CLCA2: variants seen among roughly 807,000 people sequenced by gnomAD.
The protein encoded by CLCA2 is chloride channel accessory 2, also known as calcium-activated chloride channel regulator 2.
CLCA2 carries 85 observed loss-of-function variants against 82.9 expected under a neutral mutation model. The ratio of observed to expected loss-of-function variants is 1.03; its 90% CI spans 0.86 to 1.23. CLCA2 has a LOEUF of 1.23. Among genes scored for constraint, CLCA2 ranks in the 50% most tolerant of loss-of-function variants. CLCA2 has a pLI of 0.00. For missense variants in CLCA2, 1,089 were observed against 1,124.8 expected (o/e 0.97, Z 0.45); for synonymous variants, 421 against 391.7 (o/e 1.07, Z -0.88).
At chr1:86,438,753 CA>C (rs1199798233) in intron 6 of CLCA2, 122 bp from the exon 7 acceptor site, 4 of 791,392 alleles carry the variant, frequency 5.1e-6, no homozygotes, top group African/African-American at 3.5e-5. Context: ...CTTTAAAGCT[CA>C]AAAAATTATG....
intron 12 of CLCA2, among the ~76,000 whole-genome samples, chr1:86,452,605 A>C (rs1310756766): frequency 6.6e-6 from 1 of 151,964 alleles, no homozygotes; most frequent in Non-Finnish European, 1.5e-5. Flanking sequence ...TTTTCACCTC[A>C]GGGTTTGCTG....
rs149017440 is a variant in CLCA2 at position 86,440,221 on chromosome 1, T to C, written c.1277T>C (p.Leu426Pro). ...GTGACCAGCGGAGATGATAAGCTTC[T>C]TGGCAATTGCTTACCCACTGTGCTC... ...ILVTSGDDKLLGNCLPTVLSS... is the reference protein window; with the variant it reads ...ILVTSGDDKLPGNCLPTVLSS... Residue 426 changes from leucine (L) to proline (P), a missense_variant, in exon 8 of 14, where the codon CTT (leucine) becomes CCT (proline). Coordinates refer to ENST00000370565, the MANE Select transcript of CLCA2 (RefSeq NM_006536.7). 34 of 1,614,060 alleles carry C rather than the reference T, an allele frequency of 2.1e-5. No individual in the cohort carries two copies. Among genetic ancestry groups the C allele is most frequent in the Non-Finnish European group, 2.7e-5 (32 of 1,180,024 alleles).
chr1:86,424,383 G>A lies in CLCA2; in HGVS notation c.136G>A (p.Ala46Thr). The A allele has an allele frequency of 6.2e-7, 1 of 1,612,720 alleles. No individual in the cohort carries two copies. The part of the protein sequence containing the change: ...QDNGYNGLLI[A>T]INPQVPENQN... ...CAATGGGTATAATGGATTGCTCATT[G>A]CAATTAATCCTCAGGTACCTGAGAA... Residue 46 changes from alanine to threonine, a missense_variant, in exon 1 of 14, where the codon GCA becomes ACA. Physicochemically the swap from Ala to Thr is moderately conservative, Grantham distance 58. Transcript: ENST00000370565.
intron 4 of CLCA2, among the ~76,000 whole-genome samples, chr1:86,431,245 C>A (rs1463987304): frequency 6.6e-6 from 1 of 152,204 alleles, no homozygotes; most frequent in African/African-American, 2.4e-5. Flanking sequence ...TCCCCTCATG[C>A]CCTCTAAGTA....
chr1:86,444,044 G>A (rs371117329), intron 10 of CLCA2, 33 bp downstream of exon 10: 15 of 1,356,238 alleles, frequency 1.1e-5, no homozygotes, highest in South Asian at 3.6e-5. Flanking sequence ...TAAGGACAAC[G>A]TTCAACCAAG....
At chr1:86,441,356 G>T in intron 8 of CLCA2, 81 bp from the exon 9 acceptor site, 1 of 827,216 alleles carries the variant, frequency 1.2e-6, no homozygotes. Context: ...TGCAAAGAAA[G>T]CTTGTTGGAA....
chr1:86,431,103 G>T, intron 4 of CLCA2, 133 bp downstream of exon 4: 1 of 614,976 alleles, frequency 1.6e-6, no homozygotes, highest in African/African-American at 1.9e-5. Context: ...ATAAGAAAGA[G>T]ATCCTTTCAC....
chr1:86,438,769 A>G lies in CLCA2; in HGVS notation c.973-107A>G, dbSNP rs982134393. 5.2e-5 allele frequency: 46 copies of G among 886,818 alleles called. No individual in the cohort carries two copies. In the African/African-American group the frequency reaches 5.3e-4, roughly 10 times the overall value. The allele number at this position is 886,818 out of a possible 1,614,324, so 54.9% of individuals were successfully genotyped here. On this transcript the variant is annotated intron_variant, in intron 6 of 13. Transcript: ENST00000370565. ...TTTAAAGCTCAAAAAATTATGATCC[A>G]ACATCTCTAAAGAATTAGCAGAGAT...
At chr1:86,451,635 A>G (rs2101712375) in intron 12 of CLCA2, among the ~76,000 whole-genome samples, 1 of 151,952 alleles carries the variant, frequency 6.6e-6, no homozygotes, top group Non-Finnish European at 1.5e-5. Flanking sequence ...CTCCTTTTCT[A>G]CCAGGCCTCT....
intron 6 of CLCA2, among the ~76,000 whole-genome samples, chr1:86,435,404 G>A (rs1426439604): frequency 6.6e-6 from 1 of 152,174 alleles, no homozygotes; most frequent in Non-Finnish European, 1.5e-5. Context: ...AATATCCCTG[G>A]TTGAGGAAGT....
Position 86,443,814 on chromosome 1 carries a change from C to A in CLCA2, c.1516C>A (p.Pro506Thr). The A allele has an allele frequency of 6.2e-7, 1 of 1,613,870 alleles. No homozygotes were observed. Among genetic ancestry groups the A allele is most frequent in the Non-Finnish European group, 8.5e-7 (1 of 1,179,862 alleles). The stretch of plus-strand genomic sequence containing the variant: ...TGAAAGTACAGGTGAAAATGTCAAA[C>A]CTCACCATCAATTGAAAAACACAGT... Reference protein sequence around the residue: ...QLESTGENVKPHHQLKNTVTV... With the variant: ...QLESTGENVKTHHQLKNTVTV... Residue 506 changes from proline (P) to threonine (T), a missense_variant, in exon 10 of 14, where the codon CCT (proline) becomes ACT (threonine). Physicochemically the swap from Pro to Thr is conservative, Grantham distance 38 (BLOSUM62 -1). Transcript: ENST00000370565.
In CLCA2 at chr1:86,455,227, C is replaced by T. The variant is rs770836933; in HGVS notation, c.2532C>T (p.Ser844=). The change falls in exon 14 of 14, where the codon TCC becomes TCT. Residue 844 remains serine (S), a synonymous_variant. Coordinates refer to ENST00000370565, the MANE Select transcript of CLCA2 (RefSeq NM_006536.7). ...TATTTACGTTCTCACCCCAAATTTC[C>T]ACGAATGGACCTGAACATCAGCCAA... is the stretch of plus-strand genomic sequence containing the variant. ...REIFTFSPQI[S]TNGPEHQPNG... is the part of the protein sequence containing the mutation. 4 of 1,614,046 alleles carry T rather than the reference C, an allele frequency of 2.5e-6. No homozygotes were observed. Among genetic ancestry groups the T allele is most frequent in the Non-Finnish European group, 3.4e-6 (4 of 1,179,986 alleles).
intron 6 of CLCA2, among the ~76,000 whole-genome samples, chr1:86,436,103 T>C (rs1004056943): frequency 6.6e-6 from 1 of 152,226 alleles, no homozygotes; most frequent in Non-Finnish European, 1.5e-5. Flanking sequence ...ACAGAGAACT[T>C]AATGGCCAGC....
At position 86,450,747 on chromosome 1, in the gene CLCA2, G is replaced by A; in HGVS notation, c.2155+14G>A. On this transcript the variant is annotated intron_variant, in intron 12 of 13. Transcript: ENST00000370565. ...ACACAGCAAACGGTAAGAACCATTA[G>A]CACTGTTATTTGAGTAACATCATTT... The A allele has an allele frequency of 1.3e-6, 2 of 1,576,264 alleles. No individual in the cohort carries two copies. The highest frequency in any genetic ancestry group is 1.7e-6 in the Non-Finnish European group (2 of 1,158,644).
At chr1:86,446,886 T>C (rs1662865116) in intron 10 of CLCA2, among the ~76,000 whole-genome samples, 1 of 152,232 alleles carries the variant, frequency 6.6e-6, no homozygotes, top group South Asian at 2.1e-4. Flanking sequence ...GCAAGAGTAG[T>C]GTTTAGCAGT....
Position 86,430,974 on chromosome 1 carries a change from AG to A in CLCA2, c.584+5del. The A allele has an allele frequency of 8.8e-6, 14 of 1,588,086 alleles. No homozygotes were observed. The highest frequency in any genetic ancestry group is 1.2e-5 in the Non-Finnish European group (14 of 1,159,694). On this transcript the variant is annotated splice_donor_5th_base_variant and intron_variant, in intron 4 of 13. Transcript: ENST00000370565. ...AAAATCAAATTAAAGTGACAAGGTT[AG>A]TACTTTTTTTCATGTTATAATTCAT...
chr1:86,429,326 G>A (rs1348722320), intron 3 of CLCA2, among the ~76,000 whole-genome samples: 2 of 152,154 alleles, frequency 1.3e-5, no homozygotes, highest in Admixed American at 6.5e-5. Context: ...AACTCTAAGC[G>A]ATGAGAAATA....
chr1:86,455,582 C>A lies in CLCA2; in HGVS notation c.*55C>A. ...ATATAAGACCCATGGCCTTCGACTACAAAAACATACTAACAAAGTCAAATT... is the reference window on the plus strand; with the variant it reads ...ATATAAGACCCATGGCCTTCGACTAAAAAAACATACTAACAAAGTCAAATT... On this transcript the variant is annotated 3_prime_UTR_variant, in exon 14 of 14. Transcript: ENST00000370565. 1 of 1,131,678 alleles carries A rather than the reference C, an allele frequency of 8.8e-7. No homozygotes were observed. The highest frequency in any genetic ancestry group is 1.2e-6 in the Non-Finnish European group (1 of 840,474). The allele number at this position is 1,131,678 out of a possible 1,614,324, so 70.1% of individuals were successfully genotyped here.
At chr1:86,430,729 A>C in intron 3 of CLCA2, 133 bp from the exon 4 acceptor site, 1 of 694,006 alleles carries the variant, frequency 1.4e-6, no homozygotes, top group Non-Finnish European at 2.6e-6. Context: ...AAAAGGGGAG[A>C]GAGGGAAGTA....
Sources: allele counts gnomAD v4.1 joint callset (sites outside exome capture counted in the v4.1 genomes callset), GRCh38; gene constraint gnomAD v4.1.1; transcripts MANE v1.5; gene names NCBI Gene and HGNC (gene_info 2026-07-23, HGNC 2026-07-21).